MTDH: variants seen among roughly 807,000 people sequenced by gnomAD.
MTDH encodes metadherin, also known as protein LYRIC.
In MTDH, 34 loss-of-function variants were observed where a neutral mutation model predicts 72.7. That is an observed-to-expected ratio of 0.47 (90% CI 0.36 to 0.62). The LOEUF is 0.62. Ranked by LOEUF, MTDH falls within the 20% of genes least tolerant of loss-of-function variation. The pLI, the probability that MTDH is intolerant of heterozygous loss-of-function variation, is 0.00. For synonymous variants in MTDH, 266 were observed against 268.9 expected (o/e 0.99, Z 0.10); for missense variants, 677 against 699.4 (o/e 0.97, Z 0.36).
At chr8:97,701,644 T>C (rs1814135627) in intron 7 of MTDH, among the ~76,000 whole-genome samples, 1 of 152,122 alleles carries the variant, frequency 6.6e-6, no homozygotes, top group Non-Finnish European at 1.5e-5. Context: ...AGAATAGAAT[T>C]GAGGATGATT....
chr8:97,697,142 A>ATTTTTTTTTTT (rs1563554116), intron 6 of MTDH, among the ~76,000 whole-genome samples: 1 of 76,930 alleles, frequency 1.3e-5, no homozygotes, highest in African/African-American at 9.5e-5. Context: ...ATATATATAT[A>ATTTTTTTTTTT]TATATATATT....
At chr8:97,703,070 G>A (rs894707041) in intron 7 of MTDH, among the ~76,000 whole-genome samples, 1 of 152,190 alleles carries the variant, frequency 6.6e-6, no homozygotes, top group African/African-American at 2.4e-5. Flanking sequence ...TGAATCTTAA[G>A]AATTAGTTAC....
chr8:97,683,514 G>C (rs1187670148), intron 2 of MTDH, among the ~76,000 whole-genome samples: 1 of 151,088 alleles, frequency 6.6e-6, no homozygotes, highest in Non-Finnish European at 1.5e-5. Flanking sequence ...TCCCACCTCA[G>C]CCTCCCAAGT....
At chr8:97,649,243 T>A (rs1430625389) in intron 1 of MTDH, among the ~76,000 whole-genome samples, 2 of 152,238 alleles carry the variant, frequency 1.3e-5, no homozygotes, top group East Asian at 3.8e-4. Context: ...TAGTCATTAC[T>A]TCTGTTCCAG....
chr8:97,699,785 C>A lies in MTDH; in HGVS notation c.1080C>A (p.Thr360=). Residue 360 remains threonine, a synonymous_variant, in exon 7 of 12, where the codon ACC becomes ACA. Coordinates refer to ENST00000336273, the MANE Select transcript of MTDH (RefSeq NM_178812.4). The part of the protein sequence containing the change: ...GSTAEPVSQS[T]TSDYQWDVSR... ...CTGCTGAGCCAGTTTCTCAGTCTAC[C>A]ACTTCTGATTATCAGTGGGATGTTA... 1 of 1,613,024 alleles carries A rather than the reference C, an allele frequency of 6.2e-7. No homozygotes were observed. Among genetic ancestry groups the A allele is most frequent in the Non-Finnish European group, 8.5e-7 (1 of 1,179,232 alleles).
At chr8:97,702,276 GA>G (rs1402628330) in intron 7 of MTDH, among the ~76,000 whole-genome samples, 1 of 152,188 alleles carries the variant, frequency 6.6e-6, no homozygotes, top group Non-Finnish European at 1.5e-5. Flanking sequence ...AGGGGTGAAT[GA>G]ATTCGCTTCA....
intron 1 of MTDH, among the ~76,000 whole-genome samples, chr8:97,659,209 A>G (rs1486751853): frequency 6.6e-6 from 1 of 152,150 alleles, no homozygotes; most frequent in Non-Finnish European, 1.5e-5. Flanking sequence ...TGATGTAGAT[A>G]CGGCCCTAAG....
At chr8:97,712,314 G>A (rs1814670718) in intron 8 of MTDH, among the ~76,000 whole-genome samples, 1 of 152,168 alleles carries the variant, frequency 6.6e-6, no homozygotes, top group African/African-American at 2.4e-5. Context: ...TGGGATTGCA[G>A]GCTTCAGCCA....
intron 1 of MTDH, among the ~76,000 whole-genome samples, chr8:97,656,239 T>G (rs1811967133): frequency 6.6e-6 from 1 of 152,126 alleles, no homozygotes; most frequent in Admixed American, 6.5e-5. Context: ...CAGGTTCTTT[T>G]GCAAGTTGGA....
At chr8:97,668,128 A>T (rs2130949634) in intron 2 of MTDH, among the ~76,000 whole-genome samples, 1 of 152,186 alleles carries the variant, frequency 6.6e-6, no homozygotes, top group African/African-American at 2.4e-5. Context: ...TCTACTGAAA[A>T]TACAAAAAAC....
rs1463940395 is a variant in MTDH, at chr8:97,697,133, T to TAAAAA, written c.1049-2620_1049-2619insAAAAA. On this transcript the variant is annotated intron_variant, in intron 6 of 11. Transcript: ENST00000336273. ...ACTCTGTCTCACAAAAAAAAAAATA[T>TAAAAA]ATATATATATATATATATTTTTTTT... Among the ~76,000 whole-genome samples, 139 of 66,504 alleles carry TAAAAA rather than the reference T, an allele frequency of 2.1e-3. 24 individuals are homozygous for TAAAAA. Among genetic ancestry groups the TAAAAA allele is most frequent in the African/African-American group, 0.015 (131 of 8,738 alleles). The allele number at this position is 66,504 out of a possible 152,430, so 43.6% of individuals were successfully genotyped here. A position where few individuals can be genotyped will look rare whatever the true frequency, so the allele number is the denominator to read the frequency against.
chr8:97,687,543 T>G lies in MTDH; in HGVS notation c.683T>G (p.Ile228Ser), dbSNP rs1696343327. 6.2e-7 allele frequency: 1 copy of G among 1,613,454 alleles called. No individual in the cohort carries two copies. The highest frequency in any genetic ancestry group is 1.7e-5 in the Admixed American group (1 of 59,920). Reference protein sequence around the residue: ...DSTIPGIENTITVTTEQLTTA... With the variant: ...DSTIPGIENTSTVTTEQLTTA... Reference sequence around the variant, plus strand: ...ACTATCCCTGGGATAGAAAATACCATCACAGTTACCACCGAGCAACTTACA... The same window carrying G: ...ACTATCCCTGGGATAGAAAATACCAGCACAGTTACCACCGAGCAACTTACA... The change falls in exon 4 of 12, where the codon ATC becomes AGC. Residue 228 changes from isoleucine (I) to serine (S), a missense_variant. Physicochemically the swap from Ile to Ser is moderately radical, Grantham distance 142. Coordinates refer to ENST00000336273, the MANE Select transcript of MTDH (RefSeq NM_178812.4).
intron 6 of MTDH, among the ~76,000 whole-genome samples, chr8:97,697,145 TA>T (rs1226160352): frequency 0.021 from 1,657 of 78,628 alleles, 238 homozygotes; most frequent in African/African-American, 0.11. Context: ...TATATATATA[TA>T]TATATTTTTT....
At chr8:97,721,419 G>A (rs947426508) in intron 10 of MTDH, among the ~76,000 whole-genome samples, 1 of 151,928 alleles carries the variant, frequency 6.6e-6, no homozygotes, top group African/African-American at 2.4e-5. Flanking sequence ...CTCCAGCCTG[G>A]GTGACAGAGT....
intron 1 of MTDH, among the ~76,000 whole-genome samples, chr8:97,651,012 A>G (rs1480435302): frequency 6.6e-6 from 1 of 152,246 alleles, no homozygotes; most frequent in African/African-American, 2.4e-5. Context: ...AAAACGCATT[A>G]CTAGTGGTCA....
intron 4 of MTDH, among the ~76,000 whole-genome samples, chr8:97,688,232 A>G (rs1813442255): frequency 6.6e-6 from 1 of 152,172 alleles, no homozygotes; most frequent in Non-Finnish European, 1.5e-5. Context: ...GCAAAGTGAT[A>G]CTGTTCAATT....
At chr8:97,661,313 A>T (rs1812164974) in intron 2 of MTDH, 140 bp downstream of exon 2, 2 of 569,378 alleles carry the variant, frequency 3.5e-6, no homozygotes, top group African/African-American at 1.8e-5. Context: ...ACCATAGTGG[A>T]TGGGTGGTAA....
At chr8:97,674,248 A>T (rs1034246678) in intron 2 of MTDH, among the ~76,000 whole-genome samples, 1 of 152,222 alleles carries the variant, frequency 6.6e-6, no homozygotes, top group African/African-American at 2.4e-5. Context: ...CAATTCTCCT[A>T]CTTCTTCCAT....
At position 97,644,377 on chromosome 8, in the gene MTDH, G is replaced by C. The variant is rs1811470541; in HGVS notation, c.-130G>C. On this transcript the variant is annotated 5_prime_UTR_variant, in exon 1 of 12. Transcript: ENST00000336273. ...GTGGCAGCGGCCGATCCCCGGCTCC[G>C]GCGCGAGGGACGGCCGCGATGCGCT... 1 of 1,293,214 alleles carries C rather than the reference G, an allele frequency of 7.7e-7. No homozygotes were observed. Among genetic ancestry groups the C allele is most frequent in the South Asian group, 1.5e-5 (1 of 65,414 alleles). 80.1% of individuals were successfully genotyped at this position (1,293,214 alleles called of 1,614,324 possible).
Sources: allele counts gnomAD v4.1 joint callset (sites outside exome capture counted in the v4.1 genomes callset), GRCh38; gene constraint gnomAD v4.1.1; transcripts MANE v1.5; gene names NCBI Gene and HGNC (gene_info 2026-07-23, HGNC 2026-07-21).